The following VKORC1 variants were observed in gnomAD, a reference collection of about 807,000 sequenced individuals.
VKORC1 encodes vitamin K epoxide reductase complex subunit 1, also known as phylloquinone epoxide reductase.
A neutral mutation model predicts 14.8 loss-of-function variants in VKORC1; 12 were observed. The observed-to-expected ratio is 0.81, with a 90% confidence interval of 0.52 to 1.31. The LOEUF (loss-of-function observed/expected upper bound fraction) is 1.31. Ranked by LOEUF, VKORC1 falls within the 50% of genes most tolerant of loss-of-function variation. The pLI, the probability that VKORC1 is intolerant of heterozygous loss-of-function variation, is 0.00. For missense variants in VKORC1, 223 were observed against 215.3 expected (o/e 1.04, Z -0.22); for synonymous variants, 94 against 92.5 (o/e 1.02, Z -0.09).
At chr16:31,093,189 G>C in intron 2 of VKORC1, 123 bp downstream of exon 2, 1 of 1,056,120 alleles carries the variant, frequency 9.5e-7, no homozygotes, top group Admixed American at 2.0e-5. Flanking sequence ...AGGACGCTCC[G>C]TGATGAGCAG....
chr16:31,094,362 C>A, intron 1 of VKORC1, 195 bp downstream of exon 1: 5 of 1,612,974 alleles, frequency 3.1e-6, no homozygotes, highest in Non-Finnish European at 4.2e-6. Flanking sequence ...GTCCCCAGCA[C>A]TGTCTGGTCC....
chr16:31,093,442 G>C (rs1228818263), intron 1 of VKORC1, 21 bp from the exon 2 acceptor site: 2 of 1,614,056 alleles, frequency 1.2e-6, no homozygotes, highest in East Asian at 4.5e-5. Context: ...GGTGGGGTGG[G>C]GTGGAACCAG....
intron 1 of VKORC1, chr16:31,094,219 C>A (rs763867061): frequency 4.4e-6 from 7 of 1,602,034 alleles, no homozygotes. Flanking sequence ...CAGCCATCGC[C>A]AACACCCCCC....
Position 31,090,876 on chromosome 16 carries a change from T to C in VKORC1, c.*258A>G. On this transcript the variant is annotated 3_prime_UTR_variant, in exon 3 of 3. Coordinates refer to ENST00000394975, the MANE Select transcript of VKORC1 (RefSeq NM_024006.6). ...GGCTGATTGATCTAAGAAACTTTAT[T>C]GCTCAGAACCTTCCCTCCCTGGGCA... 1.8e-6 allele frequency: 1 copy of C among 548,006 alleles called. No homozygotes were observed. The highest frequency in any genetic ancestry group is 2.1e-5 in the South Asian group (1 of 48,668). The allele number at this position is 548,006 out of a possible 1,614,324, so 33.9% of individuals were successfully genotyped here. A position where few individuals can be genotyped will look rare whatever the true frequency, so the allele number is the denominator to read the frequency against.
rs535046123 is a variant in VKORC1 at position 31,094,139 on chromosome 16, C to A, written c.173+418G>T. Reference sequence around the variant, plus strand: ...CTCCCTGGCCACTCACTCGCCTCCTCTGTATTCCGTCATTATGCTAACGCC... The same window carrying A: ...CTCCCTGGCCACTCACTCGCCTCCTATGTATTCCGTCATTATGCTAACGCC... On this transcript the variant is annotated intron_variant, in intron 1 of 2. Transcript: ENST00000394975. 2.6e-6 allele frequency: 4 copies of A among 1,539,432 alleles called. No homozygotes were observed. The African/African-American group carries it at 5.4e-5, about 21-fold the overall frequency.
intron 2 of VKORC1, chr16:31,092,754 T>C: frequency 7.8e-7 from 1 of 1,279,236 alleles, no homozygotes; most frequent in Non-Finnish European, 1.0e-6. Context: ...TCCACAAAAC[T>C]GGGGTGTTGG....
intron 2 of VKORC1, chr16:31,092,730 A>C: frequency 7.8e-7 from 1 of 1,274,822 alleles, no homozygotes; most frequent in South Asian, 1.3e-5. Context: ...TTAAAAAGGA[A>C]TTTCGGCATC....
At position 31,090,992 on chromosome 16, in the gene VKORC1, G is replaced by A. The variant is rs1431646806; in HGVS notation, c.*142C>T. The A allele has an allele frequency of 1.4e-6, 2 of 1,392,102 alleles. No homozygotes were observed. Among genetic ancestry groups the A allele is most frequent in the East Asian group, 2.5e-5 (1 of 40,062 alleles). 86.2% of individuals were successfully genotyped at this position (1,392,102 alleles called of 1,614,324 possible). On this transcript the variant is annotated 3_prime_UTR_variant, in exon 3 of 3. Coordinates refer to ENST00000394975, the MANE Select transcript of VKORC1 (RefSeq NM_024006.6). ...GAGCGTGTGGCACATTTGGTCCATT[G>A]TCATGTGCGGGTATGGCAGGAGGAG...
intron 1 of VKORC1, chr16:31,094,230 T>A (rs778587284): frequency 3.7e-6 from 6 of 1,606,680 alleles, no homozygotes; most frequent in Non-Finnish European, 5.1e-6. Flanking sequence ...AACACCCCCC[T>A]TCACCTGCGC....
intron 1 of VKORC1, chr16:31,094,076 G>A: frequency 7.7e-7 from 1 of 1,291,052 alleles, no homozygotes; most frequent in Non-Finnish European, 1.1e-6. Context: ...TGGGAGTCGG[G>A]GGCAGATTAT....
intron 1 of VKORC1, chr16:31,093,868 G>A (rs2057308746): frequency 6.9e-6 from 2 of 291,160 alleles, no homozygotes; most frequent in South Asian, 4.2e-5. Context: ...CATAGCGCCC[G>A]ATTAATTTTT....
At chr16:31,092,769 G>A (rs1364175582) in intron 2 of VKORC1, 3 of 1,281,312 alleles carry the variant, frequency 2.3e-6, no homozygotes, top group Non-Finnish European at 2.0e-6. Context: ...TGTTGGTGGG[G>A]CATGGTAGCT....
At position 31,091,300 on chromosome 16, in the gene VKORC1, C is replaced by T. The variant is rs1425566545; in HGVS notation, c.326G>A (p.Ser109Asn). Residue 109 changes from serine to asparagine, a missense_variant, in exon 3 of 3, where the codon AGC (serine) becomes AAC (asparagine). Ser to Asn is a conservative substitution (Grantham distance 46, BLOSUM62 1). Coordinates refer to ENST00000394975, the MANE Select transcript of VKORC1 (RefSeq NM_024006.6). Reference protein sequence around the residue: ...TRWASVLMLLSSLVSLAGSVY... With the variant: ...TRWASVLMLLNSLVSLAGSVY... ...AGAACCAGCGAGAGACACCAGGGAG[C>T]TCAGCAGCATCAGGACAGAGGCCCA... The T allele has an allele frequency of 6.2e-7, 1 of 1,614,134 alleles. No homozygotes were observed. Among genetic ancestry groups the T allele is most frequent in the Non-Finnish European group, 8.5e-7 (1 of 1,180,036 alleles).
chr16:31,094,780 A>T lies in VKORC1; in HGVS notation c.-51T>A. On this transcript the variant is annotated 5_prime_UTR_variant, in exon 1 of 3. Transcript: ENST00000394975. ...CCGCGGAGAAAACCAGCCACGGAGC[A>T]GGGGCCGGGCGGCGAATGGCCGCGC... The T allele has an allele frequency of 6.4e-7, 1 of 1,553,676 alleles. No homozygotes were observed. Among genetic ancestry groups the T allele is most frequent in the Non-Finnish European group, 8.7e-7 (1 of 1,154,628 alleles).
At chr16:31,092,866 T>A in intron 2 of VKORC1, 1 of 942,930 alleles carries the variant, frequency 1.1e-6, no homozygotes, top group African/African-American at 1.7e-5. Flanking sequence ...AGACACCATC[T>A]CTACCAAAAA....
chr16:31,094,116 C>T, intron 1 of VKORC1: 1 of 1,507,824 alleles, frequency 6.6e-7, no homozygotes, highest in Non-Finnish European at 8.9e-7. Context: ...ATCTCCAGCT[C>T]CCTGGCCACT....
intron 2 of VKORC1, chr16:31,092,835 A>G: frequency 8.6e-7 from 1 of 1,168,878 alleles, no homozygotes; most frequent in Non-Finnish European, 1.1e-6. Context: ...ATTGCTTGAG[A>G]CCAGCCTGGG....
At chr16:31,093,583 C>A (rs1347584527) in intron 1 of VKORC1, 162 bp from the exon 2 acceptor site, 1 of 1,513,338 alleles carries the variant, frequency 6.6e-7, no homozygotes, top group Non-Finnish European at 8.9e-7. Flanking sequence ...GCACCGGGCA[C>A]CTTTGGCCAC....
At position 31,093,380 on chromosome 16, in the gene VKORC1, T is replaced by A; in HGVS notation, c.215A>T (p.Gln72Leu). ...GTTGGATTGATTGAGGATGCTGTCC[T>A]GTCCCAGCACATGCTCCACCAGCCC... ...GFGLVEHVLG[Q>L]DSILNQSNSI... is the part of the protein sequence containing the mutation. The change falls in exon 2 of 3, where the codon CAG becomes CTG. Residue 72 changes from glutamine (Q) to leucine (L), a missense_variant. Gln to Leu is a moderately radical substitution (Grantham distance 113). Coordinates refer to ENST00000394975, the MANE Select transcript of VKORC1 (RefSeq NM_024006.6). The A allele has an allele frequency of 6.2e-7, 1 of 1,614,180 alleles. No homozygotes were observed.
Sources: gnomAD v4.1 joint callset for allele counts on GRCh38, gnomAD v4.1.1 for gene constraint, MANE v1.5 for transcripts, NCBI Gene and HGNC (gene_info 2026-07-23, HGNC 2026-07-21) for gene names.